CNTNAP2: variants seen among roughly 807,000 people sequenced by gnomAD.
CNTNAP2 encodes the protein contactin-associated protein-like 2.
CNTNAP2 carries 98 observed loss-of-function variants against 155.2 expected under a neutral mutation model. That is an observed-to-expected ratio of 0.63 (90% CI 0.54 to 0.75). The LOEUF (loss-of-function observed/expected upper bound fraction) is 0.75. Among genes scored for constraint, CNTNAP2 ranks in the 30% least tolerant of loss-of-function variants. The pLI, the probability that CNTNAP2 is intolerant of heterozygous loss-of-function variation, is 0.00. For synonymous variants in CNTNAP2, 651 were observed against 631.2 expected (o/e 1.03, Z -0.47); for missense variants, 1,727 against 1,688.1 (o/e 1.02, Z -0.40).
At chr7:148,059,898 G>A (rs974496552) in intron 15 of CNTNAP2, among the ~76,000 whole-genome samples, 4 of 151,878 alleles carry the variant, frequency 2.6e-5, no homozygotes, top group Non-Finnish European at 4.4e-5. Context: ...AATTGGTCAA[G>A]GTTTTTAAGT....
intron 13 of CNTNAP2, among the ~76,000 whole-genome samples, chr7:147,656,984 AAC>A (rs1374198274): frequency 6.6e-6 from 1 of 152,066 alleles, no homozygotes; most frequent in Admixed American, 6.6e-5. Context: ...ATATATAAAT[AAC>A]ACACACACAC....
chr7:146,853,910 TATC>T (rs1402164813), intron 3 of CNTNAP2, among the ~76,000 whole-genome samples: 1 of 152,190 alleles, frequency 6.6e-6, no homozygotes, highest in African/African-American at 2.4e-5. Context: ...TAATGTTTAT[TATC>T]TTAATTTATA....
intron 1 of CNTNAP2, among the ~76,000 whole-genome samples, chr7:146,238,648 G>C (rs1251238932): frequency 6.6e-6 from 1 of 152,168 alleles, no homozygotes; most frequent in East Asian, 1.9e-4. Context: ...GAAGAAACAC[G>C]AGAGTATTAT....
intron 3 of CNTNAP2, among the ~76,000 whole-genome samples, chr7:147,006,204 G>A (rs912204612): frequency 1.5e-4 from 23 of 152,076 alleles, no homozygotes; most frequent in Middle Eastern, 3.4e-3. Flanking sequence ...AGAAAAAAGC[G>A]TTTTGGGCTT....
intron 14 of CNTNAP2, among the ~76,000 whole-genome samples, chr7:147,951,773 G>T (rs1431924742): frequency 6.6e-6 from 1 of 151,690 alleles, no homozygotes; most frequent in African/African-American, 2.4e-5. Flanking sequence ...CTGTCCGGGG[G>T]TAGAGGGCAA....
intron 10 of CNTNAP2, among the ~76,000 whole-genome samples, chr7:147,395,999 C>A (rs919729882): frequency 1.4e-5 from 2 of 147,972 alleles, no homozygotes; most frequent in African/African-American, 4.9e-5. Flanking sequence ...TCATGTATAT[C>A]ATATATAGCA....
intron 15 of CNTNAP2, among the ~76,000 whole-genome samples, chr7:147,997,819 C>G (rs1459697234): frequency 6.6e-6 from 1 of 152,044 alleles, no homozygotes; most frequent in African/African-American, 2.4e-5. Context: ...GGGTGGTTCT[C>G]TGGGTGCACA....
At chr7:146,483,330 CATATAT>C (rs760173787) in intron 1 of CNTNAP2, among the ~76,000 whole-genome samples, 1 of 40,292 alleles carries the variant, frequency 2.5e-5, no homozygotes, top group African/African-American at 1.2e-4. Context: ...TATATATATA[CATATAT>C]ATATATTTAA....
At chr7:146,128,917 A>G (rs1487142192) in intron 1 of CNTNAP2, among the ~76,000 whole-genome samples, 1 of 152,182 alleles carries the variant, frequency 6.6e-6, no homozygotes, top group Non-Finnish European at 1.5e-5. Context: ...TGTATGAGTC[A>G]AAACCAAAAA....
chr7:147,326,214 G>A (rs1160321136), intron 9 of CNTNAP2, among the ~76,000 whole-genome samples: 1 of 152,210 alleles, frequency 6.6e-6, no homozygotes, highest in East Asian at 1.9e-4. Context: ...GTTAGCCACT[G>A]CGCCTGGACA....
At chr7:147,154,381 A>G (rs1457940320) in intron 8 of CNTNAP2, among the ~76,000 whole-genome samples, 5 of 152,174 alleles carry the variant, frequency 3.3e-5, no homozygotes. Context: ...GAATGATCCA[A>G]TAGGTTATAC....
chr7:147,474,010 C>T (rs1428409567), intron 10 of CNTNAP2, among the ~76,000 whole-genome samples: 4 of 151,414 alleles, frequency 2.6e-5, no homozygotes, highest in Non-Finnish European at 5.9e-5. Context: ...ACCTTGGAGG[C>T]GGAGGTTGTG....
chr7:146,607,378 C>T (rs1799065660), intron 1 of CNTNAP2, among the ~76,000 whole-genome samples: 1 of 152,266 alleles, frequency 6.6e-6, no homozygotes, highest in Non-Finnish European at 1.5e-5. Context: ...GGAGTTGCTT[C>T]CACTTCACAC....
intron 3 of CNTNAP2, among the ~76,000 whole-genome samples, chr7:146,975,875 C>T (rs534520480): frequency 2.0e-5 from 3 of 152,130 alleles, no homozygotes; most frequent in Admixed American, 6.5e-5. Flanking sequence ...GGCATGAAAA[C>T]GCTATTTTTA....
chr7:148,187,368 T>C lies in CNTNAP2; in HGVS notation c.3010+14890T>C, dbSNP rs550611239. Among the ~76,000 whole-genome samples, 3 of 152,286 alleles carry C rather than the reference T, an allele frequency of 2.0e-5. No homozygotes were observed. The East Asian group carries it at 5.8e-4, about 29-fold the overall frequency. On this transcript the variant is annotated intron_variant, in intron 18 of 23. Transcript: ENST00000361727. ...TGAGAGACCACTTTAGATTGCCTTATTACAAAGAAGCTGATTTGCAGGGTA... is the reference window on the plus strand; with the variant it reads ...TGAGAGACCACTTTAGATTGCCTTACTACAAAGAAGCTGATTTGCAGGGTA...
intron 3 of CNTNAP2, among the ~76,000 whole-genome samples, chr7:146,854,660 T>A (rs908955949): frequency 2.0e-5 from 3 of 152,198 alleles, no homozygotes. Flanking sequence ...TACTCACACT[T>A]AGTACATAGA....
intron 3 of CNTNAP2, among the ~76,000 whole-genome samples, chr7:146,986,171 G>A (rs1186730439): frequency 2.6e-5 from 4 of 151,980 alleles, no homozygotes; most frequent in African/African-American, 4.8e-5. Flanking sequence ...CTTTCTCCAT[G>A]AGTCCCTAAA....
chr7:147,248,361 G>A (rs1038252851), intron 8 of CNTNAP2, among the ~76,000 whole-genome samples: 1 of 151,558 alleles, frequency 6.6e-6, no homozygotes, highest in Middle Eastern at 3.4e-3. Flanking sequence ...TCCCTTTTTT[G>A]TGTGTGGAAG....
chr7:146,787,585 G>A (rs900211800), intron 2 of CNTNAP2, among the ~76,000 whole-genome samples: 2 of 152,112 alleles, frequency 1.3e-5, no homozygotes, highest in African/African-American at 4.8e-5. Context: ...CATAAATGCC[G>A]CACGGACACA....
Sources: allele counts gnomAD v4.1 joint callset (sites outside exome capture counted in the v4.1 genomes callset), GRCh38; gene constraint gnomAD v4.1.1; transcripts MANE v1.5; gene names NCBI Gene and HGNC (gene_info 2026-07-23, HGNC 2026-07-21).